SH3KBP1: variants seen among roughly 807,000 people sequenced by gnomAD.
The protein encoded by SH3KBP1 is SH3 domain containing kinase binding protein 1, also known as SH3 domain-containing kinase-binding protein 1.
SH3KBP1 carries 8 observed loss-of-function variants against 50.1 expected under a neutral mutation model. That is an observed-to-expected ratio of 0.16 (90% CI 0.09 to 0.29). The LOEUF (loss-of-function observed/expected upper bound fraction) is 0.29. Among genes scored for constraint, SH3KBP1 ranks in the 10% least tolerant of loss-of-function variants. SH3KBP1 has a pLI of 1.00. For synonymous variants in SH3KBP1, 227 were observed against 218.6 expected (o/e 1.04, Z -0.34); for missense variants, 377 against 535.2 (o/e 0.70, Z 2.92).
At chrX:19,634,280 G>A (rs929687743) in intron 7 of SH3KBP1, among the ~76,000 whole-genome samples, 7 of 110,446 alleles carry the variant, frequency 6.3e-5, no homozygotes, top group African/African-American at 2.3e-4. Context: ...TTGGACGTCA[G>A]TACAGTGTTT....
chrX:19,729,734 A>T (rs1453369262), intron 3 of SH3KBP1, among the ~76,000 whole-genome samples: 1 of 111,134 alleles, frequency 9.0e-6, no homozygotes, highest in Non-Finnish European at 1.9e-5. Context: ...AGAAGGATGG[A>T]GAGAGAGTCA....
At chrX:19,855,181 A>T (rs2147493806) in intron 1 of SH3KBP1, among the ~76,000 whole-genome samples, 1 of 110,861 alleles carries the variant, frequency 9.0e-6, no homozygotes, top group African/African-American at 3.3e-5. Flanking sequence ...AGGGGGTTTC[A>T]CCATGTTGGC....
At chrX:19,852,528 C>T (rs2068535375) in intron 1 of SH3KBP1, among the ~76,000 whole-genome samples, 2 of 109,043 alleles carry the variant, frequency 1.8e-5, no homozygotes, top group South Asian at 8.1e-4. Context: ...TTCCAGCCGC[C>T]AGCCAGTCTG....
intron 13 of SH3KBP1, among the ~76,000 whole-genome samples, chrX:19,560,227 A>AG (rs1053561317): frequency 5.4e-5 from 6 of 111,342 alleles, no homozygotes; most frequent in African/African-American, 2.0e-4. Context: ...GCCAAAAAAA[A>AG]AACCCCTAGA....
rs369434652 is a variant in SH3KBP1, at chrX:19,661,919, G to T, written c.727-16444C>A. On this transcript the variant is annotated intron_variant, in intron 6 of 17. Coordinates refer to ENST00000397821, the MANE Select transcript of SH3KBP1 (RefSeq NM_031892.3). ...TGGGATTACAGGTGTGAGCCACTGC[G>T]CCTGGCCAGAAAAAATAAAGTTCTA... Among the ~76,000 whole-genome samples, 4 of 111,457 alleles carry T rather than the reference G, an allele frequency of 3.6e-5. No homozygotes were observed. The East Asian group carries it at 8.4e-4, about 23-fold the overall frequency.
intron 2 of SH3KBP1, among the ~76,000 whole-genome samples, chrX:19,807,992 G>A (rs1187232640): frequency 9.0e-6 from 1 of 111,727 alleles, no homozygotes; most frequent in East Asian, 2.8e-4. Context: ...TTGTTCCTAT[G>A]AACATCAAAA....
At chrX:19,577,041 C>G (rs931353399) in intron 12 of SH3KBP1, among the ~76,000 whole-genome samples, 2 of 112,510 alleles carry the variant, frequency 1.8e-5, no homozygotes, top group Non-Finnish European at 3.8e-5. Context: ...AGTATCACAT[C>G]ATGACTTCTC....
At chrX:19,659,235 C>T (rs1424999046) in intron 6 of SH3KBP1, among the ~76,000 whole-genome samples, 2 of 107,879 alleles carry the variant, frequency 1.9e-5, no homozygotes, top group South Asian at 4.2e-4. Context: ...CTGTCACAGC[C>T]TCCTGAGTAG....
At chrX:19,659,413 C>A (rs1222322408) in intron 6 of SH3KBP1, among the ~76,000 whole-genome samples, 2 of 106,493 alleles carry the variant, frequency 1.9e-5, no homozygotes, top group African/African-American at 7.0e-5. Context: ...CTGTGCCCGG[C>A]CACATGCCCA....
intron 3 of SH3KBP1, among the ~76,000 whole-genome samples, chrX:19,725,431 A>G (rs2064191826): frequency 9.0e-6 from 1 of 111,092 alleles, no homozygotes; most frequent in Admixed American, 9.6e-5. Flanking sequence ...TGATTCCGCT[A>G]CTGCACTCCA....
rs189212491 is a variant in SH3KBP1 at position 19,609,430 on chromosome X, T to C, written c.898-1385A>G. 7.1e-5 allele frequency among the ~76,000 whole-genome samples: 8 copies of C among 112,044 alleles called. No homozygotes were observed. In the East Asian group the frequency reaches 1.7e-3, roughly 23 times the overall value. ...GACCCTGAGCCTGCTTTTTGTCCTA[T>C]AGCAGACTCCCAAGTCTCGTGATCA... On this transcript the variant is annotated intron_variant, in intron 8 of 17. Coordinates refer to ENST00000397821, the MANE Select transcript of SH3KBP1 (RefSeq NM_031892.3).
chrX:19,568,388 G>C (rs1049981932), intron 13 of SH3KBP1, among the ~76,000 whole-genome samples: 11 of 111,857 alleles, frequency 9.8e-5, no homozygotes, highest in Non-Finnish European at 1.5e-4. Flanking sequence ...ATAGCCTGTT[G>C]CTAAACAATA....
At chrX:19,866,070 C>T (rs2068899198) in intron 1 of SH3KBP1, among the ~76,000 whole-genome samples, 1 of 111,774 alleles carries the variant, frequency 8.9e-6, no homozygotes, top group Admixed American at 9.5e-5. Context: ...AAAAACATCC[C>T]GCATTGCAGG....
intron 4 of SH3KBP1, among the ~76,000 whole-genome samples, chrX:19,700,320 C>T (rs1049172457): frequency 8.9e-5 from 10 of 111,758 alleles, no homozygotes; most frequent in African/African-American, 2.9e-4. Flanking sequence ...ATTTTTAAAA[C>T]GCTAAAAAAA....
chrX:19,693,313 T>C (rs902853797), intron 5 of SH3KBP1, among the ~76,000 whole-genome samples: 1 of 111,290 alleles, frequency 9.0e-6, no homozygotes, highest in African/African-American at 3.3e-5. Flanking sequence ...AAAGACAGAA[T>C]GAATGAAGAA....
chrX:19,550,063 C>T lies in SH3KBP1; in HGVS notation c.1405G>A (p.Val469Met), dbSNP rs763646545. Residue 469 changes from valine (V) to methionine (M), a missense_variant, in exon 14 of 18, where the codon GTG (valine) becomes ATG (methionine). By Grantham distance (21) the Val-to-Met change is conservative (BLOSUM62 1). Transcript: ENST00000397821. ...NDIDLEGFDS[V>M]VSSTEKLSHP... is the part of the protein sequence containing the mutation. ...CTGAGTTTCTCAGTAGATGATACCACGGAGTCAAAACCTTCTAAGTCTAAA... is the reference window on the plus strand; with the variant it reads ...CTGAGTTTCTCAGTAGATGATACCATGGAGTCAAAACCTTCTAAGTCTAAA... 14 of 1,206,215 alleles carry T rather than the reference C, an allele frequency of 1.2e-5. No homozygotes were observed. The highest frequency in any genetic ancestry group is 2.3e-4 in the Middle Eastern group (1 of 4,273).
intron 6 of SH3KBP1, among the ~76,000 whole-genome samples, chrX:19,680,068 G>A (rs1481959080): frequency 3.6e-5 from 4 of 111,486 alleles, no homozygotes; most frequent in Non-Finnish European, 5.7e-5. Flanking sequence ...ACTCAGACAA[G>A]TGGATCTTAA....
chrX:19,573,917 A>G (rs1350513732), intron 12 of SH3KBP1, among the ~76,000 whole-genome samples: 1 of 111,310 alleles, frequency 9.0e-6, no homozygotes, highest in African/African-American at 3.3e-5. Context: ...CATCAACAAA[A>G]TGACTGGTGG....
chrX:19,536,206 A>C lies in SH3KBP1; in HGVS notation c.*211T>G, dbSNP rs1476078486. ...CACAATTTTGCTCTGTGTAAGTCAC[A>C]ACGAGTGCCAGCCCCAGGACTAAAC... On this transcript the variant is annotated 3_prime_UTR_variant, in exon 18 of 18. Transcript: ENST00000397821. The C allele has an allele frequency of 3.0e-6, 1 of 330,485 alleles. No individual in the cohort carries two copies. The highest frequency in any genetic ancestry group is 5.4e-6 in the Non-Finnish European group (1 of 184,795). The allele number at this position is 330,485 out of a possible 1,213,427, so 27.2% of individuals were successfully genotyped here.
Sources: gnomAD v4.1 joint callset for allele counts (sites outside exome capture counted in the v4.1 genomes callset) on GRCh38, gnomAD v4.1.1 for gene constraint, MANE v1.5 for transcripts, NCBI Gene and HGNC (gene_info 2026-07-23, HGNC 2026-07-21) for gene names.